The following PIWIL1 variants were observed in gnomAD, a reference collection of about 807,000 sequenced individuals.
PIWIL1 encodes piwi like RNA-mediated gene silencing 1.
PIWIL1 carries 73 observed loss-of-function variants against 114.4 expected under a neutral mutation model. That is an observed-to-expected ratio of 0.64 (90% confidence interval 0.53 to 0.78). PIWIL1 has a LOEUF of 0.78. PIWIL1 is among the 30% of genes least tolerant of loss of function. PIWIL1 has a pLI of 0.00. For synonymous variants in PIWIL1, 375 were observed against 369.0 expected (o/e 1.02, Z -0.19); for missense variants, 723 against 1,063.1 (o/e 0.68, Z 4.45).
chr12:130,378,805 T>C, the PIWIL1 span, among the ~76,000 whole-genome samples: 1 of 152,264 alleles, frequency 6.6e-6, no homozygotes, highest in Non-Finnish European at 1.5e-5. Flanking sequence ...ATTTTAAAAG[T>C]ATTTTATTGA....
At chr12:130,393,375 G>A in the PIWIL1 span, among the ~76,000 whole-genome samples, 3 of 150,616 alleles carry the variant, frequency 2.0e-5, no homozygotes, top group Non-Finnish European at 3.0e-5. Context: ...CATATTGAAT[G>A]TTGTGATGAC....
At chr12:130,409,405 C>T in the PIWIL1 span, among the ~76,000 whole-genome samples, 10 of 134,936 alleles carry the variant, frequency 7.4e-5, no homozygotes, top group Admixed American at 4.4e-4. Flanking sequence ...TGCAGTGGCG[C>T]GATCCCGGCT....
the PIWIL1 span, chr12:130,425,974 G>A: frequency 2.0e-5 from 3 of 152,372 alleles, no homozygotes; most frequent in African/African-American, 4.8e-5. Context: ...CTGTGCAGCT[G>A]ATAGCTCTCT....
chr12:130,363,881 G>A (rs529110776), intron 18 of PIWIL1, among the ~76,000 whole-genome samples: 27 of 152,096 alleles, frequency 1.8e-4, no homozygotes, highest in Non-Finnish European at 3.7e-4. Flanking sequence ...GCCTCCTAAA[G>A]TGCTGGGATG....
chr12:130,343,828 C>T (rs569451489), intron 3 of PIWIL1, among the ~76,000 whole-genome samples: 3 of 152,126 alleles, frequency 2.0e-5, no homozygotes, highest in Admixed American at 6.5e-5. Flanking sequence ...GGGGTTTCAC[C>T]GTGTTAGCCA....
At chr12:130,361,637 G>A in intron 16 of PIWIL1, 36 bp downstream of exon 16, 1 of 1,535,354 alleles carries the variant, frequency 6.5e-7, no homozygotes, top group Non-Finnish European at 9.0e-7. Context: ...TGGCAGTGAG[G>A]ACATAAAGCA....
At chr12:130,356,487 A>C (rs1406441817) in intron 12 of PIWIL1, among the ~76,000 whole-genome samples, 1 of 151,432 alleles carries the variant, frequency 6.6e-6, no homozygotes, top group East Asian at 1.9e-4. Flanking sequence ...CCTCGCGTTT[A>C]TTTCACTTTC....
At chr12:130,398,762 G>C in the PIWIL1 span, 2 of 154,774 alleles carry the variant, frequency 1.3e-5, no homozygotes, top group African/African-American at 4.8e-5. Context: ...AAACATGTTT[G>C]TTAGGTTGTG....
At chr12:130,401,099 C>CTGAGGATGAAGAAGGT in the PIWIL1 span, among the ~76,000 whole-genome samples, 2 of 151,998 alleles carry the variant, frequency 1.3e-5, no homozygotes, top group African/African-American at 4.8e-5. Flanking sequence ...GAACTATATA[C>CTGAGGATGAAGAAGGT]TTAAAAATGA....
At chr12:130,340,333 G>A (rs1245480744) in intron 1 of PIWIL1, among the ~76,000 whole-genome samples, 1 of 152,074 alleles carries the variant, frequency 6.6e-6, no homozygotes, top group Non-Finnish European at 1.5e-5. Flanking sequence ...CAGTCTTTTT[G>A]GCACCAGGGA....
At chr12:130,363,265 T>C in intron 18 of PIWIL1, 121 bp downstream of exon 18, 1 of 987,626 alleles carries the variant, frequency 1.0e-6, no homozygotes, top group Non-Finnish European at 1.5e-6. Context: ...TGTAGGGCCT[T>C]TGAGGTGATG....
chr12:130,349,800 T>G, intron 8 of PIWIL1, 56 bp from the exon 9 acceptor site: 1 of 991,326 alleles, frequency 1.0e-6, no homozygotes, highest in Non-Finnish European at 1.6e-6. Flanking sequence ...TCTCTCTTTT[T>G]AATATTAGTT....
At chr12:130,357,189 T>C in intron 13 of PIWIL1, 84 bp downstream of exon 13, 1 of 1,091,910 alleles carries the variant, frequency 9.2e-7, no homozygotes, top group Non-Finnish European at 1.3e-6. Flanking sequence ...ACAAACTACG[T>C]TATCTTAATT....
the PIWIL1 span, chr12:130,424,412 G>T: frequency 4.9e-6 from 6 of 1,232,752 alleles, no homozygotes; most frequent in Non-Finnish European, 6.1e-6. The surrounding 1 kb of genome is among the most constrained non-coding windows in gnomAD (Gnocchi z 9.8). Flanking sequence ...GCGGCCTCGG[G>T]CCCCTCCTGC....
At chr12:130,398,963 C>A in the PIWIL1 span, 21 of 369,556 alleles carry the variant, frequency 5.7e-5, no homozygotes, top group Non-Finnish European at 9.0e-5. Context: ...AAGTAATATT[C>A]TAATTATTTA....
intron 1 of PIWIL1, 165 bp downstream of exon 1, chr12:130,338,311 G>T: frequency 3.3e-6 from 1 of 298,952 alleles, no homozygotes; most frequent in Non-Finnish European, 6.3e-6. Context: ...CGAGGTCCCA[G>T]GTGCGGGAGA....
At chr12:130,417,440 T>C in the PIWIL1 span, among the ~76,000 whole-genome samples, 12 of 152,214 alleles carry the variant, frequency 7.9e-5, no homozygotes, top group Non-Finnish European at 1.5e-5. Context: ...CTGCAGCCAC[T>C]GGAGGCCATC....
intron 1 of PIWIL1, among the ~76,000 whole-genome samples, chr12:130,340,376 C>A (rs922195665): frequency 1.3e-5 from 2 of 151,878 alleles, no homozygotes; most frequent in African/African-American, 4.8e-5. Context: ...TTCCACGGAC[C>A]GGTGAGGGAT....
chr12:130,353,193 G>A (rs1303034802), intron 9 of PIWIL1, among the ~76,000 whole-genome samples: 1 of 151,782 alleles, frequency 6.6e-6, no homozygotes, highest in Non-Finnish European at 1.5e-5. Flanking sequence ...GTGGAGATGT[G>A]TGTGTGGTTT....
Sources: allele counts gnomAD v4.1 joint callset (sites outside exome capture counted in the v4.1 genomes callset), GRCh38; gene constraint gnomAD v4.1.1; non-coding constraint Gnocchi (gnomAD v3.1); transcripts MANE v1.5; gene names NCBI Gene and HGNC (gene_info 2026-07-23, HGNC 2026-07-21).